ROR2: variants seen among roughly 807,000 people sequenced by gnomAD.
ROR2 encodes the protein ROR family WNT receptor 2, also known as tyrosine-protein kinase transmembrane receptor ROR2.
Under a neutral mutation model 74.9 loss-of-function variants are expected in ROR2, and 33 were observed. The observed-to-expected ratio is 0.44, with a 90% CI of 0.33 to 0.59. ROR2 has a LOEUF of 0.59. Ranked by LOEUF, ROR2 falls within the 20% of genes least tolerant of loss-of-function variation. The pLI is 0.02. For synonymous variants in ROR2, 586 were observed against 558.7 expected (o/e 1.05, Z -0.69); for missense variants, 1,216 against 1,313.8 (o/e 0.93, Z 1.15).
intron 1 of ROR2, among the ~76,000 whole-genome samples, chr9:91,785,641 A>G (rs4601388): frequency 0.058 from 8,879 of 152,308 alleles, 494 homozygotes; most frequent in Admixed American, 0.16. Flanking sequence ...GCCAGGACTC[A>G]TATCTGCTCC....
Position 91,731,106 on chromosome 9 carries a change from G to C in ROR2, c.987C>G (p.Ser329Arg), listed in dbSNP as rs1327352519. The change falls in exon 7 of 9, where the codon AGC becomes AGG. Residue 329 changes from serine to arginine, a missense_variant. Physicochemically the swap from Ser to Arg is moderately radical, Grantham distance 110 (BLOSUM62 -1). Coordinates refer to ENST00000375708, the MANE Select transcript of ROR2 (RefSeq NM_004560.4). ...GGCACTGGTGGCCTGACTTGGTGGT[G>C]CTTGCCGTTCCTCTGTAATCCATGC... ...GSGMDYRGTA[S>R]TTKSGHQCQP... 1 of 1,614,100 alleles carries C rather than the reference G, an allele frequency of 6.2e-7. No individual in the cohort carries two copies. The highest frequency in any genetic ancestry group is 1.7e-5 in the Admixed American group (1 of 60,024).
intron 1 of ROR2, among the ~76,000 whole-genome samples, chr9:91,922,849 G>A (rs1831307455): frequency 6.6e-6 from 1 of 152,036 alleles, no homozygotes; most frequent in African/African-American, 2.4e-5. Flanking sequence ...CAGCTGCATA[G>A]CTGCTGCATC....
intron 1 of ROR2, among the ~76,000 whole-genome samples, chr9:91,935,929 G>A (rs553134377): frequency 3.9e-5 from 6 of 152,378 alleles, no homozygotes; most frequent in African/African-American, 1.2e-4. Context: ...GGCTGGCCAA[G>A]TGCAGGGATG....
intron 1 of ROR2, among the ~76,000 whole-genome samples, chr9:91,822,609 C>A (rs1828169766): frequency 6.6e-6 from 1 of 152,156 alleles, no homozygotes; most frequent in African/African-American, 2.4e-5. Flanking sequence ...CATAAAATTC[C>A]TGATTCAGGC....
At chr9:91,750,197 C>T (rs938543196) in intron 4 of ROR2, among the ~76,000 whole-genome samples, 7 of 152,164 alleles carry the variant, frequency 4.6e-5, no homozygotes, top group African/African-American at 1.2e-4. Flanking sequence ...CCGCTGCACC[C>T]GGCCGAAAAA....
intron 1 of ROR2, among the ~76,000 whole-genome samples, chr9:91,811,096 G>C (rs1323145884): frequency 6.6e-6 from 1 of 152,256 alleles, no homozygotes; most frequent in Non-Finnish European, 1.5e-5. Context: ...AGGGACACTG[G>C]CTCTGGCAGC....
chr9:91,860,867 T>C (rs1290203278), intron 1 of ROR2, among the ~76,000 whole-genome samples: 2 of 152,236 alleles, frequency 1.3e-5, no homozygotes, highest in African/African-American at 2.4e-5. Context: ...TACCATTCTC[T>C]AGGTACTCCT....
chr9:91,893,059 C>G (rs1054575951), intron 1 of ROR2, among the ~76,000 whole-genome samples: 1 of 152,228 alleles, frequency 6.6e-6, no homozygotes, highest in Non-Finnish European at 1.5e-5. Context: ...AGACCTCTCA[C>G]TGCAAGGGGA....
At chr9:91,878,071 CTG>C (rs1454955121) in intron 1 of ROR2, among the ~76,000 whole-genome samples, 1 of 151,704 alleles carries the variant, frequency 6.6e-6, no homozygotes, top group African/African-American at 2.4e-5. Context: ...AGTACTGGCT[CTG>C]GCTTCCTCCA....
At chr9:91,922,616 G>A (rs1831301415) in intron 1 of ROR2, among the ~76,000 whole-genome samples, 1 of 152,048 alleles carries the variant, frequency 6.6e-6, no homozygotes, top group African/African-American at 2.4e-5. Flanking sequence ...ACCATGCCCG[G>A]CTAATTTTTT....
At position 91,795,632 on chromosome 9, in the gene ROR2, C is replaced by T. The variant is rs1827144208; in HGVS notation, c.98-19814G>A. ...GTTTTCCCTAATTGAGACTCATAAA[C>T]TCATAAATCATGGTTGTTTCCGAGC... On this transcript the variant is annotated intron_variant, in intron 1 of 8. Transcript: ENST00000375708. 2.0e-5 allele frequency among the ~76,000 whole-genome samples: 3 copies of T among 152,264 alleles called. No individual in the cohort carries two copies. The South Asian group carries it at 6.2e-4, about 32-fold the overall frequency.
intron 1 of ROR2, among the ~76,000 whole-genome samples, chr9:91,863,231 G>C (rs967227918): frequency 6.6e-6 from 1 of 152,156 alleles, no homozygotes; most frequent in Non-Finnish European, 1.5e-5. Context: ...TCAGTATGTT[G>C]ACAAGGCTGG....
At position 91,723,616 on chromosome 9, in the gene ROR2, G is replaced by A. The variant is rs759105926; in HGVS notation, c.*46C>T. 21 of 1,606,058 alleles carry A rather than the reference G, an allele frequency of 1.3e-5. No homozygotes were observed. The highest frequency in any genetic ancestry group is 1.7e-5 in the Non-Finnish European group (20 of 1,177,540). On this transcript the variant is annotated 3_prime_UTR_variant, in exon 9 of 9. Coordinates refer to ENST00000375708, the MANE Select transcript of ROR2 (RefSeq NM_004560.4). ...TCAAAGGTGACTGAGGTCCCTGTGG[G>A]GTCTCGGCGGGGCTTCTATCCCCGA... is the stretch of plus-strand genomic sequence containing the variant.
At chr9:91,827,933 G>A (rs1338104496) in intron 1 of ROR2, among the ~76,000 whole-genome samples, 3 of 152,182 alleles carry the variant, frequency 2.0e-5, no homozygotes, top group Non-Finnish European at 4.4e-5. Context: ...AGTTTTTGCA[G>A]CTTTTTTATG....
intron 1 of ROR2, among the ~76,000 whole-genome samples, chr9:91,931,398 T>A (rs766655406): frequency 6.6e-6 from 1 of 152,112 alleles, no homozygotes. Flanking sequence ...GTAAAAGACA[T>A]CCCAGTGTCC....
chr9:91,796,307 C>T (rs1827162989), intron 1 of ROR2, among the ~76,000 whole-genome samples: 2 of 152,082 alleles, frequency 1.3e-5, no homozygotes, highest in South Asian at 4.2e-4. Flanking sequence ...GTGACGCACG[C>T]CAGTAATCTC....
intron 1 of ROR2, among the ~76,000 whole-genome samples, chr9:91,829,685 T>C (rs907700792): frequency 2.0e-5 from 3 of 150,836 alleles, no homozygotes; most frequent in African/African-American, 4.9e-5. Context: ...AGCAATGAAA[T>C]GAAGGCACAG....
intron 1 of ROR2, among the ~76,000 whole-genome samples, chr9:91,840,190 G>C (rs1828739161): frequency 6.6e-6 from 1 of 152,208 alleles, no homozygotes. Context: ...AATCAGAGCG[G>C]AGGGACCCGG....
intron 1 of ROR2, among the ~76,000 whole-genome samples, chr9:91,938,797 T>C (rs1831771464): frequency 6.6e-6 from 1 of 152,224 alleles, no homozygotes; most frequent in Non-Finnish European, 1.5e-5. Flanking sequence ...CCATATTGAC[T>C]TGCATTTGTA....
Sources: allele counts gnomAD v4.1 joint callset (sites outside exome capture counted in the v4.1 genomes callset), GRCh38; gene constraint gnomAD v4.1.1; transcripts MANE v1.5; gene names NCBI Gene and HGNC (gene_info 2026-07-23, HGNC 2026-07-21).